The following SGCG variants were observed in gnomAD, a reference collection of about 807,000 sequenced individuals.
SGCG encodes sarcoglycan gamma, also known as gamma-sarcoglycan.
A neutral mutation model predicts 29.3 loss-of-function variants in SGCG; 26 were observed. The observed-to-expected ratio is 0.89, with a 90% CI of 0.65 to 1.23. The LOEUF is 1.23. SGCG is among the 50% of genes most tolerant of loss of function. The probability of loss-of-function intolerance (pLI) is 0.00; values close to 1 mark genes in which losing one functional copy is unlikely to be tolerated. For synonymous variants in SGCG, 145 were observed against 129.7 expected, an observed-to-expected ratio of 1.12 and a Z score of -0.80; for missense variants, 353 against 356.0, an observed-to-expected ratio of 0.99 and a Z score of 0.07.
In SGCG at chr13:23,299,950, A is replaced by T. The variant is rs145448133; in HGVS notation, c.578+4463A>T. 2.5e-3 allele frequency among the ~76,000 whole-genome samples: 386 copies of T among 152,344 alleles called. 2 individuals carry two copies. Among genetic ancestry groups the T allele is most frequent in the African/African-American group, 6.6e-3 (276 of 41,580 alleles). Reference sequence around the variant, plus strand: ...CAATGAGTTTACAGTCTATTGAGAAAAGAAACTTGCAAACAAGTTAGAAAA... The same window carrying T: ...CAATGAGTTTACAGTCTATTGAGAATAGAAACTTGCAAACAAGTTAGAAAA... On this transcript the variant is annotated intron_variant, in intron 6 of 7. Transcript: ENST00000218867.
rs750963329 is a variant in SGCG, at chr13:23,321,824, A to G, written c.702+1064A>G. On this transcript the variant is annotated intron_variant, in intron 7 of 7. Coordinates refer to ENST00000218867, the MANE Select transcript of SGCG (RefSeq NM_000231.3). ...AGCAGGCAGCAGGGGAGGAGCTGCT[A>G]AAACCTCACTGACACAAGCCAAAGT... is the stretch of plus-strand genomic sequence containing the variant. Among the ~76,000 whole-genome samples the G allele has an allele frequency of 7.2e-5, 11 of 152,332 alleles. No individual in the cohort carries two copies. In the South Asian group the frequency reaches 2.3e-3, roughly 32 times the overall value.
chr13:23,289,082 A>G (rs1881602671), intron 5 of SGCG, among the ~76,000 whole-genome samples: 2 of 152,372 alleles, frequency 1.3e-5, no homozygotes, highest in South Asian at 4.1e-4. Context: ...AGAAGTGAAA[A>G]TAAACAAGGA....
At chr13:23,224,117 C>T (rs4238170) in intron 2 of SGCG, among the ~76,000 whole-genome samples, 90,717 of 152,078 alleles carry the variant, frequency 0.6, 27,635 homozygotes, top group East Asian at 0.86. Flanking sequence ...GAAGCCTGCA[C>T]GATGGTAACA....
chr13:23,166,556 GTCTACACTATGACCTTAT>G, the SGCG span, among the ~76,000 whole-genome samples: 2 of 152,244 alleles, frequency 1.3e-5, no homozygotes, highest in African/African-American at 4.8e-5. Context: ...TGCCATAGCA[GTCTACACTATGACCTTAT>G]TCCTCTTCTG....
chr13:23,276,932 A>G (rs535566046), intron 4 of SGCG, among the ~76,000 whole-genome samples: 5 of 152,332 alleles, frequency 3.3e-5, no homozygotes, highest in South Asian at 2.1e-4. Flanking sequence ...GCTGTGAGCT[A>G]TATCTCACTC....
chr13:23,222,435 TGTGAGA>T (rs1878706903), intron 2 of SGCG, among the ~76,000 whole-genome samples: 1 of 60,372 alleles, frequency 1.7e-5, no homozygotes, highest in African/African-American at 5.2e-5. Flanking sequence ...TTATGTATGA[TGTGAGA>T]GAGATTATGA....
intron 4 of SGCG, among the ~76,000 whole-genome samples, chr13:23,262,815 C>A (rs1017352043): frequency 6.6e-6 from 1 of 151,996 alleles, no homozygotes; most frequent in South Asian, 2.1e-4. Context: ...TCTTCTCAGA[C>A]CACAGCAAAA....
At chr13:23,278,198 C>T (rs1363489377) in intron 4 of SGCG, among the ~76,000 whole-genome samples, 2 of 151,890 alleles carry the variant, frequency 1.3e-5, no homozygotes, top group Non-Finnish European at 2.9e-5. Context: ...CATCCTAGCA[C>T]TTTGGGAGGC....
intron 4 of SGCG, among the ~76,000 whole-genome samples, chr13:23,257,255 A>G (rs910495229): frequency 1.3e-5 from 2 of 152,096 alleles, no homozygotes; most frequent in African/African-American, 4.8e-5. Context: ...TTCTTTGTAG[A>G]TTCTGGATAT....
intron 4 of SGCG, among the ~76,000 whole-genome samples, chr13:23,265,246 A>C (rs1169306114): frequency 2.6e-5 from 4 of 151,210 alleles, no homozygotes; most frequent in African/African-American, 9.9e-5. Context: ...GAAATAAAAC[A>C]GATCAGCAAG....
chr13:23,299,442 A>ATTTTT (rs1566037491), intron 6 of SGCG, among the ~76,000 whole-genome samples: 2 of 5,294 alleles, frequency 3.8e-4, no homozygotes, highest in Non-Finnish European at 3.6e-4. Flanking sequence ...ATATATATAT[A>ATTTTT]TATATATATA....
At chr13:23,233,246 A>T (rs1879178121) in intron 2 of SGCG, among the ~76,000 whole-genome samples, 1 of 152,206 alleles carries the variant, frequency 6.6e-6, no homozygotes, top group African/African-American at 2.4e-5. Flanking sequence ...AAAAAAACAG[A>T]AATGTCATGA....
Position 23,250,634 on chromosome 13 carries a change from C to T in SGCG, c.302C>T (p.Ser101Leu), listed in dbSNP as rs886042370. 100 of 1,589,748 alleles carry T rather than the reference C, an allele frequency of 6.3e-5. No individual in the cohort carries two copies. Among genetic ancestry groups the T allele is most frequent in the Non-Finnish European group, 7.9e-5 (92 of 1,158,342 alleles). Residue 101 changes from serine (S) to leucine (L), a missense_variant, in exon 4 of 8, where the codon TCA becomes TTA. Physicochemically the swap from Ser to Leu is moderately radical, Grantham distance 145. Coordinates refer to ENST00000218867, the MANE Select transcript of SGCG (RefSeq NM_000231.3). ...YAKEIHSRVD[S>L]SLLLQSTQNV... is the part of the protein sequence containing the mutation. ...ATTTTATAAATCTCTTTCTAGGACT[C>T]ATCTCTGCTTCTACAATCAACCCAG...
rs928504058 is a variant in SGCG, at chr13:23,307,768, T to G, written c.578+12281T>G. Among the ~76,000 whole-genome samples the G allele has an allele frequency of 2.6e-5, 4 of 152,208 alleles. No individual in the cohort carries two copies. The East Asian group carries it at 5.8e-4, about 22-fold the overall frequency. On this transcript the variant is annotated intron_variant, in intron 6 of 7. Transcript: ENST00000218867. ...CATAAATTCAAGTGAAATACTTTAATTTCAAGGCTCATCATTGTCATAAAT... is the reference window on the plus strand; with the variant it reads ...CATAAATTCAAGTGAAATACTTTAAGTTCAAGGCTCATCATTGTCATAAAT...
chr13:23,322,775 C>CA (rs1566049074), intron 7 of SGCG, among the ~76,000 whole-genome samples: 1 of 36,538 alleles, frequency 2.7e-5, no homozygotes, highest in African/African-American at 1.4e-4. Flanking sequence ...TCCACCTCCC[C>CA]CCCCCCCCCC....
At chr13:23,243,284 A>C (rs980507587) in intron 3 of SGCG, among the ~76,000 whole-genome samples, 119 of 152,224 alleles carry the variant, frequency 7.8e-4, no homozygotes, top group African/African-American at 2.8e-3. Context: ...TCTACCAGCC[A>C]CCCGCCTGCC....
At chr13:23,251,913 GA>G (rs75311772) in intron 4 of SGCG, among the ~76,000 whole-genome samples, 29,907 of 152,028 alleles carry the variant, frequency 0.2, 3,071 homozygotes, top group South Asian at 0.32. Flanking sequence ...TTACAAAACA[GA>G]ATAATGTTAC....
intron 4 of SGCG, among the ~76,000 whole-genome samples, chr13:23,278,506 A>G (rs1374910485): frequency 1.3e-5 from 2 of 151,768 alleles, no homozygotes; most frequent in Non-Finnish European, 2.9e-5. Flanking sequence ...CTAATTTCTT[A>G]AGTAGATGAT....
intron 2 of SGCG, among the ~76,000 whole-genome samples, chr13:23,210,877 AGGT>A: frequency 6.6e-6 from 1 of 152,262 alleles, no homozygotes; most frequent in Middle Eastern, 3.4e-3. Context: ...CCAACTCAGA[AGGT>A]GGTACGATGA....
Sources: allele counts gnomAD v4.1 joint callset (sites outside exome capture counted in the v4.1 genomes callset), GRCh38; gene constraint gnomAD v4.1.1; transcripts MANE v1.5; gene names NCBI Gene and HGNC (gene_info 2026-07-23, HGNC 2026-07-21).